SYNE2: variants seen among roughly 807,000 people sequenced by gnomAD.
The protein encoded by SYNE2 is spectrin repeat containing nuclear envelope protein 2.
In SYNE2, 431 loss-of-function variants were observed where a neutral mutation model predicts 856.3. The ratio of observed to expected loss-of-function variants is 0.50; its 90% confidence interval spans 0.47 to 0.55. SYNE2 has a LOEUF of 0.55. SYNE2 is among the 20% of genes least tolerant of loss of function. The pLI is 0.00. For missense variants in SYNE2, 8,129 were observed against 8,023.2 expected (o/e 1.01, Z -0.50); for synonymous variants, 2,923 against 2,872.3 (o/e 1.02, Z -0.56).
intron 61 of SYNE2, among the ~76,000 whole-genome samples, chr14:64,094,148 C>T (rs1321897371): frequency 2.0e-5 from 3 of 151,614 alleles, no homozygotes; most frequent in African/African-American, 4.8e-5. Context: ...CTGGCTAACA[C>T]GGTGAAACCC....
chr14:64,179,335 C>T (rs557061379), intron 96 of SYNE2, among the ~76,000 whole-genome samples: 14 of 152,158 alleles, frequency 9.2e-5, no homozygotes, highest in Non-Finnish European at 1.3e-4. Context: ...GATGGTGTTT[C>T]GCCACGTTGG....
chr14:63,916,653 C>CAGGCAGTGA (rs2095536696), intron 2 of SYNE2, among the ~76,000 whole-genome samples: 1 of 152,172 alleles, frequency 6.6e-6, no homozygotes, highest in Admixed American at 6.5e-5. Context: ...CTTTAGGCTT[C>CAGGCAGTGA]AGGCAGTGAA....
At chr14:64,089,750 T>G in intron 59 of SYNE2, 54 bp downstream of exon 59, 1 of 1,383,690 alleles carries the variant, frequency 7.2e-7, no homozygotes. Flanking sequence ...TTATGTCTTT[T>G]TCAAAATATA....
Position 63,950,277 on chromosome 14 carries a change from G to C in SYNE2, c.590+271G>C, listed in dbSNP as rs144566865. On this transcript the variant is annotated intron_variant, in intron 7 of 115. Coordinates refer to ENST00000555002, the MANE Select transcript of SYNE2 (RefSeq NM_182914.3). Reference sequence around the variant, plus strand: ...GAAATAAAGTGGTATTTAAATGCCAGGCAAGATGGCTCACTCCTATAATCC... The same window carrying C: ...GAAATAAAGTGGTATTTAAATGCCACGCAAGATGGCTCACTCCTATAATCC... Among the ~76,000 whole-genome samples, 480 of 152,314 alleles carry C rather than the reference G, an allele frequency of 3.2e-3. 1 individual carries two copies. The highest frequency in any genetic ancestry group is 0.011 in the African/African-American group (458 of 41,588).
chr14:63,807,253 GA>G (rs1888396360), intron 1 of SYNE2, among the ~76,000 whole-genome samples: 1 of 151,406 alleles, frequency 6.6e-6, no homozygotes, highest in African/African-American at 2.4e-5. Flanking sequence ...GAGGCAGGTA[GA>G]TAGATTGAGC....
chr14:64,081,659 T>G, intron 57 of SYNE2, 79 bp downstream of exon 57: 1 of 1,512,938 alleles, frequency 6.6e-7, no homozygotes, highest in Non-Finnish European at 9.1e-7. Context: ...CTTGGTGCTT[T>G]TTTCCTCCTT....
chr14:64,074,215 C>T (rs891841263), intron 53 of SYNE2, 79 bp downstream of exon 53: 1 of 1,456,346 alleles, frequency 6.9e-7, no homozygotes, highest in African/African-American at 1.4e-5. Flanking sequence ...GTAGAGATAA[C>T]TCAGTGGCTG....
At chr14:64,045,064 A>G (rs1341250584) in intron 45 of SYNE2, among the ~76,000 whole-genome samples, 1 of 152,184 alleles carries the variant, frequency 6.6e-6, no homozygotes, top group Non-Finnish European at 1.5e-5. Context: ...AGAATCTTCC[A>G]TTCCAGGAGC....
intron 3 of SYNE2, among the ~76,000 whole-genome samples, chr14:63,941,165 G>A (rs1222176456): frequency 6.6e-6 from 1 of 152,148 alleles, no homozygotes; most frequent in African/African-American, 2.4e-5. Context: ...ATAGTGCTGG[G>A]ATATGAACCC....
At chr14:64,069,229 C>T (rs1276949039) in intron 51 of SYNE2, among the ~76,000 whole-genome samples, 1 of 152,144 alleles carries the variant, frequency 6.6e-6, no homozygotes, top group Non-Finnish European at 1.5e-5. Context: ...GTACAATTCC[C>T]CCATCTATGT....
At chr14:64,152,966 A>G (rs1007916943) in intron 85 of SYNE2, among the ~76,000 whole-genome samples, 2 of 152,228 alleles carry the variant, frequency 1.3e-5, no homozygotes, top group African/African-American at 2.4e-5. Context: ...TGTTTTGTCT[A>G]ATGTACTCAC....
In SYNE2 at chr14:63,889,046, CA is replaced by C. The variant is rs200729691; in HGVS notation, c.-51-20026del. Among the ~76,000 whole-genome samples, 578 of 108,492 alleles carry C rather than the reference CA, an allele frequency of 5.3e-3. 1 individual carries two copies. The highest frequency in any genetic ancestry group is 7.3e-3 in the Non-Finnish European group (384 of 52,666). The allele number at this position is 108,492 out of a possible 152,430, so 71.2% of individuals were successfully genotyped here. Reference sequence around the variant, plus strand: ...GTGAAAACTTGTCTCTACTAAAATACAAAAAAAAAAAAAAAAAAAAAAAAAA... The same window carrying C: ...GTGAAAACTTGTCTCTACTAAAATACAAAAAAAAAAAAAAAAAAAAAAAAA... On this transcript the variant is annotated intron_variant, in intron 1 of 115. Coordinates refer to ENST00000555002, the MANE Select transcript of SYNE2 (RefSeq NM_182914.3).
At chr14:64,079,048 G>A (rs909074720) in intron 55 of SYNE2, among the ~76,000 whole-genome samples, 5 of 152,090 alleles carry the variant, frequency 3.3e-5, no homozygotes, top group African/African-American at 4.8e-5. Flanking sequence ...CTCCAGTGTG[G>A]GTGACAGAGT....
intron 2 of SYNE2, among the ~76,000 whole-genome samples, chr14:63,912,837 A>T (rs537742460): frequency 6.6e-6 from 1 of 152,222 alleles, no homozygotes; most frequent in African/African-American, 2.4e-5. Context: ...GCCGAAATTC[A>T]TAGAGCAGGA....
chr14:64,161,689 A>G (rs1432289718), intron 87 of SYNE2, among the ~76,000 whole-genome samples: 1 of 147,466 alleles, frequency 6.8e-6, no homozygotes, highest in Non-Finnish European at 1.5e-5. Flanking sequence ...GGATTACTTG[A>G]GCTGCAGAGT....
chr14:64,000,839 G>A, intron 28 of SYNE2, 120 bp downstream of exon 28: 1 of 879,048 alleles, frequency 1.1e-6, no homozygotes, highest in Middle Eastern at 3.5e-4. Context: ...CACAACAACA[G>A]TAAGAGAGGC....
intron 14 of SYNE2, among the ~76,000 whole-genome samples, chr14:63,980,254 C>A (rs114314493): frequency 6.6e-6 from 1 of 151,970 alleles, no homozygotes; most frequent in Non-Finnish European, 1.5e-5. Flanking sequence ...TTGTAACGTA[C>A]GCTAATATAT....
intron 96 of SYNE2, among the ~76,000 whole-genome samples, chr14:64,179,165 C>G (rs1417171865): frequency 6.6e-6 from 1 of 152,058 alleles, no homozygotes; most frequent in Admixed American, 6.5e-5. Context: ...AAGACAGAGT[C>G]TCCTTCTGTC....
rs1339081326 is a variant in SYNE2, at chr14:64,127,813, CAAGAA to C, written c.13918-633_13918-629del. ...TGCTAGAATCCAAGTAAAACAGACACAAGAAAAGAAGAACAGGTTAAACAGCACAC... is the reference window on the plus strand; with the variant it reads ...TGCTAGAATCCAAGTAAAACAGACACAAGAAGAACAGGTTAAACAGCACAC... On this transcript the variant is annotated intron_variant, in intron 73 of 115. Transcript: ENST00000555002. 2.6e-5 allele frequency among the ~76,000 whole-genome samples: 4 copies of C among 152,290 alleles called. No individual in the cohort carries two copies. The East Asian group carries it at 5.8e-4, about 22-fold the overall frequency.
Sources: allele counts gnomAD v4.1 joint callset (sites outside exome capture counted in the v4.1 genomes callset), GRCh38; gene constraint gnomAD v4.1.1; transcripts MANE v1.5; gene names NCBI Gene and HGNC (gene_info 2026-07-23, HGNC 2026-07-21).